The following PDE1A variants were observed in gnomAD, a reference collection of about 807,000 sequenced individuals.
PDE1A encodes the protein dual specificity calcium/calmodulin-dependent 3',5'-cyclic nucleotide phosphodiesterase 1A.
PDE1A carries 35 observed loss-of-function variants against 61.7 expected under a neutral mutation model. The ratio of observed to expected loss-of-function variants is 0.57; its 90% CI spans 0.43 to 0.75. PDE1A has a LOEUF of 0.75. PDE1A is among the 30% of genes least tolerant of loss of function. The pLI, the probability that PDE1A is intolerant of heterozygous loss-of-function variation, is 0.00. For synonymous variants in PDE1A, 232 were observed against 213.2 expected (o/e 1.09, Z -0.77); for missense variants, 597 against 630.6 (o/e 0.95, Z 0.57).
At chr2:182,191,493 T>C (rs1452072748) in intron 10 of PDE1A, among the ~76,000 whole-genome samples, 2 of 152,308 alleles carry the variant, frequency 1.3e-5, no homozygotes, top group Admixed American at 1.3e-4. Flanking sequence ...CATATGCTGA[T>C]ACAACTGCGT....
chr2:182,628,258 G>A, the PDE1A span, among the ~76,000 whole-genome samples: 2 of 152,292 alleles, frequency 1.3e-5, no homozygotes, highest in African/African-American at 2.4e-5. Flanking sequence ...ATCCCACTGG[G>A]ATCTAAAAAC....
chr2:182,522,243 T>C (rs1690613436), intron 2 of PDE1A: 2 of 1,561,172 alleles, frequency 1.3e-6, no homozygotes, highest in Admixed American at 3.3e-5. Flanking sequence ...TCAAATCTTT[T>C]GGGGGGAAAT....
chr2:182,646,701 A>G, the PDE1A span, among the ~76,000 whole-genome samples: 1 of 152,138 alleles, frequency 6.6e-6, no homozygotes. Context: ...AAAAAAAAGA[A>G]TTAAGCAAAG....
At chr2:182,694,830 G>GT in the PDE1A span, among the ~76,000 whole-genome samples, 45 of 101,476 alleles carry the variant, frequency 4.4e-4, 1 homozygote, top group African/African-American at 9.7e-4. Context: ...AAAGGTGGGG[G>GT]GGGGGCAACA....
intron 13 of PDE1A, 73 bp downstream of exon 13, chr2:182,185,819 G>C (rs1685152044): frequency 9.4e-6 from 15 of 1,603,152 alleles, no homozygotes; most frequent in Non-Finnish European, 1.3e-5. Context: ...AAATCTAGAA[G>C]AAGTAATCCA....
At chr2:182,617,136 A>G in the PDE1A span, among the ~76,000 whole-genome samples, 2 of 151,708 alleles carry the variant, frequency 1.3e-5, no homozygotes, top group Admixed American at 1.3e-4. Context: ...CATGCCAAAT[A>G]TCCTACACTA....
upstream of PDE1A, among the ~76,000 whole-genome samples, chr2:182,523,429 T>C (rs547884647): frequency 1.3e-5 from 2 of 152,146 alleles, no homozygotes; most frequent in Non-Finnish European, 2.9e-5. Flanking sequence ...TCCTAACACA[T>C]GGCGAGCTTT....
At chr2:182,222,147 T>C (rs2125601109) in intron 7 of PDE1A, among the ~76,000 whole-genome samples, 1 of 152,058 alleles carries the variant, frequency 6.6e-6, no homozygotes, top group Non-Finnish European at 1.5e-5. Context: ...ACAACCAAGA[T>C]TTGCTTTAAT....
the PDE1A span, among the ~76,000 whole-genome samples, chr2:182,617,934 T>G: frequency 6.6e-6 from 1 of 152,208 alleles, no homozygotes; most frequent in Non-Finnish European, 1.5e-5. Context: ...GTAACCCTCA[T>G]ACCTAAAGCT....
At chr2:182,474,902 T>C (rs1241419714) in intron 2 of PDE1A, among the ~76,000 whole-genome samples, 1 of 151,724 alleles carries the variant, frequency 6.6e-6, no homozygotes, top group Non-Finnish European at 1.5e-5. Flanking sequence ...ATACAGAAAT[T>C]AAAACTCCTC....
At chr2:182,662,244 T>C in the PDE1A span, among the ~76,000 whole-genome samples, 1 of 150,808 alleles carries the variant, frequency 6.6e-6, no homozygotes, top group African/African-American at 2.4e-5. Flanking sequence ...AAAAAGTTTG[T>C]TAATAACTGG....
intron 2 of PDE1A, among the ~76,000 whole-genome samples, chr2:182,255,657 T>TTC (rs1691724508): frequency 6.9e-6 from 1 of 145,322 alleles, no homozygotes; most frequent in African/African-American, 2.6e-5. Flanking sequence ...TTTCTTTCTT[T>TTC]TCTTTTTTTT....
chr2:182,559,848 C>T, the PDE1A span, among the ~76,000 whole-genome samples: 18 of 152,210 alleles, frequency 1.2e-4, no homozygotes, highest in Admixed American at 5.2e-4. Context: ...CAAGTATCAT[C>T]GAGCAAAAGC....
At chr2:182,668,085 CT>C in the PDE1A span, among the ~76,000 whole-genome samples, 1 of 152,140 alleles carries the variant, frequency 6.6e-6, no homozygotes, top group Non-Finnish European at 1.5e-5. Context: ...CCAAAATTAT[CT>C]GGGAGGCTGC....
rs187526453 is a variant in PDE1A, at chr2:182,507,296, C to T, written c.101+14980G>A. 2.5e-3 allele frequency among the ~76,000 whole-genome samples: 380 copies of T among 152,240 alleles called. 4 individuals are homozygous for T. The highest frequency in any genetic ancestry group is 8.5e-3 in the African/African-American group (351 of 41,536). On this transcript the variant is annotated intron_variant, in intron 2 of 14. Transcript: ENST00000410103. The stretch of plus-strand genomic sequence containing the variant: ...ATATCAACTAGCTTTTGTTGTGCAA[C>T]AAAACACCGACAACTTAGTGGACAA...
chr2:182,441,747 C>G lies in PDE1A; in HGVS notation c.101+80529G>C, dbSNP rs1350133221. Reference sequence around the variant, plus strand: ...TCACACTAGAAGGTAAGGATGCATTCAAAGAATGATGGTAGCATATCAAAA... The same window carrying G: ...TCACACTAGAAGGTAAGGATGCATTGAAAGAATGATGGTAGCATATCAAAA... On this transcript the variant is annotated intron_variant, in intron 2 of 14. Coordinates refer to the PDE1A transcript ENST00000410103. Among the ~76,000 whole-genome samples, 3 of 151,946 alleles carry G rather than the reference C, an allele frequency of 2.0e-5. No homozygotes were observed. The East Asian group carries it at 5.8e-4, about 29-fold the overall frequency.
At chr2:182,242,129 T>G (rs1690564935) in intron 2 of PDE1A, 2 of 1,193,260 alleles carry the variant, frequency 1.7e-6, no homozygotes, top group Non-Finnish European at 2.1e-6. Flanking sequence ...TCAGCTAATC[T>G]CCTTAGAATG....
At chr2:182,391,240 G>T (rs1193888803) in intron 1 of PDE1A, among the ~76,000 whole-genome samples, 1 of 152,070 alleles carries the variant, frequency 6.6e-6, no homozygotes, top group Non-Finnish European at 1.5e-5. Flanking sequence ...TTGCAGCTCT[G>T]GGAGTTATAT....
chr2:182,532,070 G>C, the PDE1A span, among the ~76,000 whole-genome samples: 3 of 151,972 alleles, frequency 2.0e-5, no homozygotes, highest in South Asian at 6.2e-4. Flanking sequence ...ATTGAATACT[G>C]ATGTGTACTA....
Sources: gnomAD v4.1 joint callset for allele counts (sites outside exome capture counted in the v4.1 genomes callset) on GRCh38, gnomAD v4.1.1 for gene constraint, MANE v1.5 for transcripts, NCBI Gene and HGNC (gene_info 2026-07-23, HGNC 2026-07-21) for gene names.